The following FOXP2 variants were observed in gnomAD, a reference collection of about 807,000 sequenced individuals.
FOXP2 encodes forkhead box protein P2.
In FOXP2, 12 loss-of-function variants were observed where a neutral mutation model predicts 115.8. The observed-to-expected ratio is 0.10, with a 90% CI of 0.07 to 0.17. The LOEUF (loss-of-function observed/expected upper bound fraction) is 0.17. FOXP2 is among the 10% of genes least tolerant of loss of function. The pLI, the probability that FOXP2 is intolerant of heterozygous loss-of-function variation, is 1.00. For missense variants in FOXP2, 629 were observed against 843.5 expected, an observed-to-expected ratio of 0.75 and a Z score of 3.15; for synonymous variants, 328 against 297.7, an observed-to-expected ratio of 1.10 and a Z score of -1.05.
chr7:114,426,427 G>A, intron 1 of FOXP2, 75 bp from the exon 2 acceptor site: 2 of 1,360,088 alleles, frequency 1.5e-6, no homozygotes, highest in Middle Eastern at 1.9e-4. Flanking sequence ...TCTGTAATTG[G>A]CAGAGAGGGA....
At position 114,682,448 on chromosome 7, in the gene FOXP2, A is replaced by C. The variant is rs1808136255; in HGVS notation, c.2004-7334A>C. On this transcript the variant is annotated intron_variant, in intron 16 of 16. Coordinates refer to ENST00000350908, the MANE Select transcript of FOXP2 (RefSeq NM_014491.4). ...ATAATGAAGAATTGGTGAGCACAGA[A>C]GAGAGTTTCTTTAAAGGGATTCTTT... 2.0e-5 allele frequency among the ~76,000 whole-genome samples: 3 copies of C among 152,186 alleles called. No individual in the cohort carries two copies. The South Asian group carries it at 6.2e-4, about 32-fold the overall frequency.
At chr7:114,404,120 A>G (rs2129197271) in intron 2 of FOXP2, among the ~76,000 whole-genome samples, 1 of 152,222 alleles carries the variant, frequency 6.6e-6, no homozygotes, top group Admixed American at 6.5e-5. Flanking sequence ...GTAGAGGTGC[A>G]ATTGGGATGA....
chr7:114,298,517 G>A (rs1426262834), intron 2 of FOXP2, among the ~76,000 whole-genome samples: 3 of 152,150 alleles, frequency 2.0e-5, no homozygotes, highest in Non-Finnish European at 4.4e-5. Context: ...ACCAGCATTA[G>A]CTGACTTAAT....
At chr7:114,568,668 A>C (rs2129294868) in intron 3 of FOXP2, among the ~76,000 whole-genome samples, 1 of 149,600 alleles carries the variant, frequency 6.7e-6, no homozygotes, top group East Asian at 2.0e-4. Context: ...TCTAATGAAA[A>C]CCTCTTTTTT....
chr7:114,687,987 C>T (rs762311982), intron 16 of FOXP2, among the ~76,000 whole-genome samples: 7 of 151,998 alleles, frequency 4.6e-5, no homozygotes, highest in African/African-American at 1.2e-4. Flanking sequence ...GACACACACA[C>T]ATATATACAT....
intron 2 of FOXP2, among the ~76,000 whole-genome samples, chr7:114,367,360 G>A (rs893624946): frequency 7.2e-5 from 11 of 152,046 alleles, no homozygotes; most frequent in African/African-American, 2.7e-4. Context: ...TGTGGTCTTT[G>A]AAAATACCAG....
intron 3 of FOXP2, among the ~76,000 whole-genome samples, chr7:114,540,777 G>A (rs1799617981): frequency 6.6e-6 from 1 of 152,070 alleles, no homozygotes; most frequent in African/African-American, 2.4e-5. Context: ...CATCAAAGAT[G>A]TAGACATAGG....
intron 1 of FOXP2, among the ~76,000 whole-genome samples, chr7:114,148,697 A>G (rs1298757431): frequency 2.0e-5 from 3 of 152,202 alleles, no homozygotes; most frequent in Non-Finnish European, 4.4e-5. Context: ...TGTTGTTGAA[A>G]GACATGGCTA....
rs578025159 is a variant in FOXP2 at position 114,418,577 on chromosome 7, T to G, written c.-11+3217T>G. On this transcript the variant is annotated intron_variant, in intron 1 of 16. Coordinates refer to ENST00000350908, the MANE Select transcript of FOXP2 (RefSeq NM_014491.4). ...GAAAAAAAGAAAGAGAAAAGGAAAC[T>G]CACAGAACAGACGTCATGAAGGCTA... 6.6e-5 allele frequency among the ~76,000 whole-genome samples: 10 copies of G among 151,842 alleles called. No homozygotes were observed. In the East Asian group the frequency reaches 1.9e-3, roughly 30 times the overall value.
chr7:114,512,769 C>A (rs1247870929), intron 2 of FOXP2, among the ~76,000 whole-genome samples: 5 of 152,014 alleles, frequency 3.3e-5, no homozygotes, highest in Admixed American at 2.6e-4. Flanking sequence ...TATTGGGATT[C>A]TTGGGGTCAA....
At chr7:114,543,709 G>A (rs1401674086) in intron 3 of FOXP2, among the ~76,000 whole-genome samples, 1 of 152,148 alleles carries the variant, frequency 6.6e-6, no homozygotes, top group Admixed American at 6.5e-5. Context: ...TTGTTTCATG[G>A]CTTGAAGAAC....
At chr7:114,231,384 A>G (rs1325604267) in intron 1 of FOXP2, among the ~76,000 whole-genome samples, 1 of 152,190 alleles carries the variant, frequency 6.6e-6, no homozygotes, top group Non-Finnish European at 1.5e-5. Flanking sequence ...TGAAATTCAT[A>G]TTGAATGACA....
At chr7:114,174,766 C>T (rs1182726391) in intron 1 of FOXP2, among the ~76,000 whole-genome samples, 1 of 152,184 alleles carries the variant, frequency 6.6e-6, no homozygotes, top group East Asian at 1.9e-4. Flanking sequence ...TAGCAAGGCA[C>T]CAGTTTCCTG....
Position 114,664,338 on chromosome 7 carries a change from T to A in FOXP2, c.1905T>A (p.Ser635Arg). 1 of 1,613,686 alleles carries A rather than the reference T, an allele frequency of 6.2e-7. No individual in the cohort carries two copies. The highest frequency in any genetic ancestry group is 1.7e-4 in the Middle Eastern group (1 of 6,054). Residue 635 changes from serine (S) to arginine (R), a missense_variant, in exon 16 of 17, where the codon AGT (serine) becomes AGA (arginine). Transcript: ENST00000350908. ...CTGGACTGATAAATAATGCATCCAG[T>A]GGCCTACTGCAGGCCGTCCACGAAG... ...SNPGLINNAS[S>R]GLLQAVHEDL...
intron 2 of FOXP2, among the ~76,000 whole-genome samples, chr7:114,340,897 T>C (rs1791185933): frequency 6.6e-6 from 1 of 151,114 alleles, no homozygotes; most frequent in Non-Finnish European, 1.5e-5. Context: ...ATGGATGATA[T>C]TTGAATACAT....
intron 2 of FOXP2, among the ~76,000 whole-genome samples, chr7:114,480,293 T>C (rs1348071785): frequency 1.3e-5 from 2 of 150,946 alleles, no homozygotes; most frequent in Non-Finnish European, 1.5e-5. Flanking sequence ...AACTGGAAGC[T>C]TGCAATCCAA....
At chr7:114,605,151 G>A (rs1264510945) in intron 3 of FOXP2, among the ~76,000 whole-genome samples, 1 of 152,134 alleles carries the variant, frequency 6.6e-6, no homozygotes, top group Non-Finnish European at 1.5e-5. Context: ...AATGCAGGAT[G>A]GAAGTCTGTG....
intron 2 of FOXP2, among the ~76,000 whole-genome samples, chr7:114,301,280 T>C (rs961040895): frequency 6.6e-6 from 1 of 152,096 alleles, no homozygotes; most frequent in Admixed American, 6.6e-5. Flanking sequence ...CATTCTATAT[T>C]AAGAATATAA....
At chr7:114,470,587 C>T (rs1796001284) in intron 2 of FOXP2, among the ~76,000 whole-genome samples, 1 of 152,086 alleles carries the variant, frequency 6.6e-6, no homozygotes, top group Non-Finnish European at 1.5e-5. Context: ...GATGTTGGGT[C>T]TCTATATACT....
Sources: allele counts gnomAD v4.1 joint callset (sites outside exome capture counted in the v4.1 genomes callset), GRCh38; gene constraint gnomAD v4.1.1; transcripts MANE v1.5; gene names NCBI Gene and HGNC (gene_info 2026-07-23, HGNC 2026-07-21).